The following ALCAM variants were observed in gnomAD, a reference collection of about 807,000 sequenced individuals.
ALCAM encodes CD166 antigen.
ALCAM carries 30 observed loss-of-function variants against 70.9 expected under a neutral mutation model. The observed-to-expected ratio is 0.42, with a 90% CI of 0.32 to 0.57. ALCAM has a LOEUF of 0.57. ALCAM is among the 20% of genes least tolerant of loss of function. The pLI is 0.11. For missense variants in ALCAM, 591 were observed against 695.1 expected, an observed-to-expected ratio of 0.85 and a Z score of 1.68; for synonymous variants, 249 against 242.5, an observed-to-expected ratio of 1.03 and a Z score of -0.25.
At chr3:105,475,140 G>A (rs1006213514) in intron 1 of ALCAM, among the ~76,000 whole-genome samples, 3 of 151,926 alleles carry the variant, frequency 2.0e-5, no homozygotes, top group African/African-American at 7.2e-5. Context: ...TTTTCTCCTT[G>A]AAGATATTTG....
At position 105,576,347 on chromosome 3, in the gene ALCAM, C is replaced by T. The variant is rs181019943; in HGVS notation, c.*1896C>T. Reference sequence around the variant, plus strand: ...AAAGAAATTCTAAAATTTTTAAACACCTGCTCTCCACAATAAATCACAAAC... The same window carrying T: ...AAAGAAATTCTAAAATTTTTAAACATCTGCTCTCCACAATAAATCACAAAC... On this transcript the variant is annotated 3_prime_UTR_variant, in exon 16 of 16. Transcript: ENST00000306107. 15 of 152,618 alleles carry T rather than the reference C, an allele frequency of 9.8e-5. No homozygotes were observed. In the East Asian group the frequency reaches 2.5e-3, roughly 26 times the overall value. The allele number at this position is 152,618 out of a possible 1,614,324, so 9.5% of individuals were successfully genotyped here.
chr3:105,533,800 A>C, intron 5 of ALCAM, 110 bp downstream of exon 5: 1 of 978,150 alleles, frequency 1.0e-6, no homozygotes, highest in Non-Finnish European at 1.5e-6. Context: ...GGCACCAGGA[A>C]CTGGTTTCAT....
intron 1 of ALCAM, among the ~76,000 whole-genome samples, chr3:105,387,497 A>G (rs1383109066): frequency 1.3e-5 from 2 of 151,640 alleles, no homozygotes; most frequent in Non-Finnish European, 3.0e-5. Context: ...ATTGTTAAAT[A>G]TAGTTGCTTC....
chr3:105,473,710 A>G (rs932141456), intron 1 of ALCAM, among the ~76,000 whole-genome samples: 1 of 151,512 alleles, frequency 6.6e-6, no homozygotes, highest in African/African-American at 2.4e-5. Flanking sequence ...GTTTCTCTCA[A>G]AGCACATTAT....
chr3:105,457,544 C>G (rs1186710542), intron 1 of ALCAM, among the ~76,000 whole-genome samples: 1 of 151,492 alleles, frequency 6.6e-6, no homozygotes, highest in Non-Finnish European at 1.5e-5. Flanking sequence ...TACCCCTGAA[C>G]CTAAAAGTTA....
intron 1 of ALCAM, among the ~76,000 whole-genome samples, chr3:105,421,581 A>C (rs1936651386): frequency 6.6e-6 from 1 of 151,506 alleles, no homozygotes; most frequent in Non-Finnish European, 1.5e-5. Context: ...TGGTTCTGAT[A>C]GAAAAGAACT....
rs867778974 is a variant in ALCAM at position 105,367,559 on chromosome 3, C to G, written c.73+78C>G. On this transcript the variant is annotated intron_variant, in intron 1 of 15. Transcript: ENST00000306107. ...CCTAGGTCCCCGTCCCAGCCTCGCACCCCCGAGGCAGTGCGCCCAGGCGCG... is the reference window on the plus strand; with the variant it reads ...CCTAGGTCCCCGTCCCAGCCTCGCAGCCCCGAGGCAGTGCGCCCAGGCGCG... 423 of 1,531,400 alleles carry G rather than the reference C, an allele frequency of 2.8e-4. 1 individual carries two copies. In the Middle Eastern group the frequency reaches 8.0e-3, roughly 29 times the overall value. 94.9% of individuals were successfully genotyped at this position (1,531,400 alleles called of 1,614,324 possible). A position where few individuals can be genotyped will look rare whatever the true frequency, so the allele number is the denominator to read the frequency against.
intron 1 of ALCAM, among the ~76,000 whole-genome samples, chr3:105,479,874 CATACGTT>C (rs962616367): frequency 1.3e-5 from 2 of 152,018 alleles, no homozygotes; most frequent in Non-Finnish European, 2.9e-5. Context: ...AGCTTTGAAC[CATACGTT>C]ATACTATGGG....
At chr3:105,570,174 G>C (rs1940830865) in intron 14 of ALCAM, among the ~76,000 whole-genome samples, 1 of 151,916 alleles carries the variant, frequency 6.6e-6, no homozygotes, top group African/African-American at 2.4e-5. Context: ...GAAAAAGTAG[G>C]TAAGATAAGC....
chr3:105,477,047 C>G (rs1047542257), intron 1 of ALCAM, among the ~76,000 whole-genome samples: 2 of 152,004 alleles, frequency 1.3e-5, no homozygotes, highest in Non-Finnish European at 2.9e-5. Context: ...TAAGAAGTGC[C>G]TTTTGCCTCC....
intron 7 of ALCAM, among the ~76,000 whole-genome samples, chr3:105,541,229 CTTCT>C (rs1159756976): frequency 2.7e-5 from 4 of 149,302 alleles, no homozygotes; most frequent in Admixed American, 2.0e-4. Flanking sequence ...TCCTTCCTTC[CTTCT>C]TTCCTTCCTT....
intron 9 of ALCAM, among the ~76,000 whole-genome samples, chr3:105,546,053 G>T (rs984846460): frequency 1.3e-5 from 2 of 151,404 alleles, no homozygotes. Context: ...TTAGAGTAAG[G>T]AAGTGTGACT....
At chr3:105,421,697 G>C (rs926174752) in intron 1 of ALCAM, among the ~76,000 whole-genome samples, 3 of 151,432 alleles carry the variant, frequency 2.0e-5, no homozygotes, top group Non-Finnish European at 4.4e-5. Context: ...AAGCACTGTA[G>C]TTAAGAAAAT....
Position 105,534,648 on chromosome 3 carries a change from C to G in ALCAM, c.548-15C>G, listed in dbSNP as rs1215080438. On this transcript the variant is annotated splice_polypyrimidine_tract_variant and intron_variant, in intron 5 of 15. Transcript: ENST00000306107. Reference sequence around the variant, plus strand: ...GATGAAAGACCCTATCATCAGTGTTCTTTATTTTCTTCAGCGGTGGTCATA... The same window carrying G: ...GATGAAAGACCCTATCATCAGTGTTGTTTATTTTCTTCAGCGGTGGTCATA... 2 of 1,611,970 alleles carry G rather than the reference C, an allele frequency of 1.2e-6. No homozygotes were observed. The highest frequency in any genetic ancestry group is 2.2e-5 in the South Asian group (2 of 91,030).
chr3:105,551,731 G>A (rs1940411826), intron 12 of ALCAM, among the ~76,000 whole-genome samples: 1 of 151,372 alleles, frequency 6.6e-6, no homozygotes, highest in Admixed American at 6.6e-5. Flanking sequence ...GACACTGGAG[G>A]ATGACAATGA....
intron 15 of ALCAM, among the ~76,000 whole-genome samples, chr3:105,572,745 A>G (rs1940884157): frequency 6.6e-6 from 1 of 152,176 alleles, no homozygotes; most frequent in Non-Finnish European, 1.5e-5. Context: ...TCAAAACAGG[A>G]AGAGAGTTTT....
intron 1 of ALCAM, among the ~76,000 whole-genome samples, chr3:105,487,213 G>A (rs767721701): frequency 1.3e-5 from 2 of 152,030 alleles, no homozygotes; most frequent in African/African-American, 2.4e-5. Context: ...ACAAGGATCC[G>A]TCCCATTCTA....
intron 3 of ALCAM, among the ~76,000 whole-genome samples, chr3:105,529,331 C>A (rs578048879): frequency 6.6e-6 from 1 of 152,250 alleles, no homozygotes; most frequent in South Asian, 2.1e-4. Context: ...CCCTTCAATT[C>A]TATACTTGGT....
intron 14 of ALCAM, among the ~76,000 whole-genome samples, chr3:105,564,640 T>C (rs961669824): frequency 2.0e-5 from 3 of 152,220 alleles, no homozygotes; most frequent in Admixed American, 2.0e-4. Context: ...TGATACTTCT[T>C]AGAATATTGA....
Sources: allele counts gnomAD v4.1 joint callset (sites outside exome capture counted in the v4.1 genomes callset), GRCh38; gene constraint gnomAD v4.1.1; transcripts MANE v1.5; gene names NCBI Gene and HGNC (gene_info 2026-07-23, HGNC 2026-07-21).